Variants in PLCE1 observed in about 807,000 individuals in gnomAD.
PLCE1 encodes the protein 1-phosphatidylinositol 4,5-bisphosphate phosphodiesterase epsilon-1.
Under a neutral mutation model 242.8 loss-of-function variants are expected in PLCE1, and 119 were observed. The ratio of observed to expected loss-of-function variants is 0.49; its 90% CI spans 0.42 to 0.57. PLCE1 has a LOEUF of 0.57. Ranked by LOEUF, PLCE1 falls within the 20% of genes least tolerant of loss-of-function variation. The pLI, the probability that PLCE1 is intolerant of heterozygous loss-of-function variation, is 0.00. For synonymous variants in PLCE1, 945 were observed against 1,017.4 expected (o/e 0.93, Z 1.35); for missense variants, 2,441 against 2,788.8 (o/e 0.88, Z 2.81).
chr10:94,048,806 C>T (rs1371059015), intron 2 of PLCE1, among the ~76,000 whole-genome samples: 4 of 151,014 alleles, frequency 2.6e-5, no homozygotes, highest in African/African-American at 9.7e-5. Flanking sequence ...CTTACTCTGT[C>T]ACCCATGCTA....
chr10:94,033,275 A>G (rs749033168), intron 2 of PLCE1, among the ~76,000 whole-genome samples: 9 of 151,986 alleles, frequency 5.9e-5, no homozygotes, highest in Non-Finnish European at 1.3e-4. Flanking sequence ...ACTTATGCAT[A>G]TATTGGATTA....
rs78520542 is a variant in PLCE1, at chr10:94,209,414, A to T, written c.1810-17892A>T. On this transcript the variant is annotated intron_variant, in intron 4 of 32. Coordinates refer to ENST00000371380, the MANE Select transcript of PLCE1 (RefSeq NM_016341.4). ...GAAATAAATCTTTTAGTCCATTTTA[A>T]AGGCAAATAGTTTTCAGATATTCTT... 3.6e-3 allele frequency among the ~76,000 whole-genome samples: 543 copies of T among 152,324 alleles called. 6 individuals are homozygous for T. The highest frequency in any genetic ancestry group is 0.012 in the African/African-American group (519 of 41,564).
intron 19 of PLCE1, among the ~76,000 whole-genome samples, chr10:94,275,564 T>C (rs944955185): frequency 6.6e-6 from 1 of 152,162 alleles, no homozygotes; most frequent in Admixed American, 6.5e-5. Flanking sequence ...GGCCAGCCGC[T>C]GTGGCTCACG....
At chr10:94,007,793 G>A (rs562573907) in intron 1 of PLCE1, among the ~76,000 whole-genome samples, 70 of 142,386 alleles carry the variant, frequency 4.9e-4, no homozygotes, top group Admixed American at 1.4e-3. Flanking sequence ...ACATGCACAT[G>A]CACATAAAGA....
chr10:94,171,962 A>G (rs1474085617), intron 4 of PLCE1, among the ~76,000 whole-genome samples: 2 of 152,188 alleles, frequency 1.3e-5, no homozygotes, highest in East Asian at 3.8e-4. Context: ...GAAGGCAGGA[A>G]ACGTGGGGCA....
At chr10:94,012,711 C>T (rs75160762) in intron 1 of PLCE1, among the ~76,000 whole-genome samples, 1 of 152,174 alleles carries the variant, frequency 6.6e-6, no homozygotes, top group Non-Finnish European at 1.5e-5. Context: ...TGGTCCCCTT[C>T]CCTCCCCTGC....
At position 94,304,628 on chromosome 10, in the gene PLCE1, G is replaced by T. The variant is rs184591536; in HGVS notation, c.5605G>T (p.Ala1869Ser). ...AAGAGATCTGGACAGCATGGATCCT[G>T]CAGTCTATTCTTTAACTGTAAGTAC... ...LERDLDSMDP[A>S]VYSLTIVSGQ... The change falls in exon 25 of 33, where the codon GCA (alanine) becomes TCA (serine). Residue 1869 changes from alanine (A) to serine (S), a missense_variant. By Grantham distance (99) the Ala-to-Ser change is moderately conservative (BLOSUM62 1). Transcript: ENST00000371380. 1 of 1,614,002 alleles carries T rather than the reference G, an allele frequency of 6.2e-7. No homozygotes were observed. The highest frequency in any genetic ancestry group is 8.5e-7 in the Non-Finnish European group (1 of 1,179,948).
chr10:94,050,716 CA>C (rs1589920038), intron 2 of PLCE1, among the ~76,000 whole-genome samples: 1 of 151,280 alleles, frequency 6.6e-6, no homozygotes, highest in Admixed American at 6.6e-5. Context: ...TAAAAGAAAA[CA>C]AAAAAATAAT....
At chr10:94,035,210 A>G (rs561212300) in intron 2 of PLCE1, among the ~76,000 whole-genome samples, 3 of 152,356 alleles carry the variant, frequency 2.0e-5, no homozygotes, top group South Asian at 4.1e-4. Context: ...TAAGAGCACA[A>G]TCGAAATTTA....
Position 94,138,680 on chromosome 10 carries a change from A to T in PLCE1, c.1492+6221A>T, listed in dbSNP as rs368213047. The T allele has an allele frequency of 4.5e-5, 14 of 310,766 alleles. No individual in the cohort carries two copies. In the East Asian group the frequency reaches 7.1e-4, roughly 16 times the overall value. The allele number at this position is 310,766 out of a possible 1,614,324, so 19.3% of individuals were successfully genotyped here. On this transcript the variant is annotated intron_variant, in intron 3 of 32. Coordinates refer to ENST00000371380, the MANE Select transcript of PLCE1 (RefSeq NM_016341.4). ...GAGGTGTTACATCATTCGCAATGTC[A>T]CCTGCTGCTGGACATAGGAAACAGC...
At chr10:94,167,500 G>A (rs1443231234) in intron 3 of PLCE1, among the ~76,000 whole-genome samples, 1 of 142,930 alleles carries the variant, frequency 7.0e-6, no homozygotes, top group Non-Finnish European at 1.6e-5. Context: ...CTGGCACATA[G>A]TAGGCACTCT....
At chr10:94,201,964 A>G (rs2049000413) in intron 4 of PLCE1, among the ~76,000 whole-genome samples, 1 of 152,228 alleles carries the variant, frequency 6.6e-6, no homozygotes, top group Non-Finnish European at 1.5e-5. Context: ...ATAAAAATCT[A>G]GCAGATAATC....
chr10:94,019,027 A>G (rs1183432441), intron 1 of PLCE1, among the ~76,000 whole-genome samples: 1 of 152,214 alleles, frequency 6.6e-6, no homozygotes. Flanking sequence ...AGGTTTTTAT[A>G]ATGATAAGAA....
intron 13 of PLCE1, among the ~76,000 whole-genome samples, chr10:94,261,799 C>A (rs1302089556): frequency 2.0e-5 from 3 of 152,112 alleles, no homozygotes; most frequent in African/African-American, 4.8e-5. Flanking sequence ...ACATAAAAAT[C>A]TGTAAACAAA....
chr10:94,172,953 T>C (rs971859006), intron 4 of PLCE1, among the ~76,000 whole-genome samples: 1 of 152,212 alleles, frequency 6.6e-6, no homozygotes, highest in Non-Finnish European at 1.5e-5. Context: ...ACAACGAGTG[T>C]TAGAGGCTGA....
intron 4 of PLCE1, among the ~76,000 whole-genome samples, chr10:94,194,692 A>T (rs1312006357): frequency 6.6e-6 from 1 of 152,206 alleles, no homozygotes; most frequent in African/African-American, 2.4e-5. Context: ...CAGTCTCTTC[A>T]TCTGTAAAGT....
chr10:94,316,732 G>A lies in PLCE1; in HGVS notation c.6318G>A (p.Arg2106=), dbSNP rs761442464. ...TTCCAGAAGAGGGATACATGGGCAG[G>A]ATTGTCTTAAAAACCCAGCAGGAAG... is the stretch of plus-strand genomic sequence containing the variant. The part of the protein sequence containing the change: ...SWFPEEGYMG[R]IVLKTQQENL... The change falls in exon 29 of 33, where the codon AGG becomes AGA. Residue 2106 remains arginine (R), a synonymous_variant. Transcript: ENST00000371380. 1 of 1,613,878 alleles carries A rather than the reference G, an allele frequency of 6.2e-7. No individual in the cohort carries two copies. Among genetic ancestry groups the A allele is most frequent in the East Asian group, 2.2e-5 (1 of 44,870 alleles).
chr10:94,053,774 C>A (rs1050946969), intron 2 of PLCE1, among the ~76,000 whole-genome samples: 1 of 152,302 alleles, frequency 6.6e-6, no homozygotes, highest in Middle Eastern at 3.4e-3. Flanking sequence ...TGCCAAGATG[C>A]TAGTCACAAT....
chr10:94,223,414 T>C (rs1251929406), intron 4 of PLCE1, among the ~76,000 whole-genome samples: 1 of 151,900 alleles, frequency 6.6e-6, no homozygotes, highest in Non-Finnish European at 1.5e-5. Flanking sequence ...AAGTAAAGAT[T>C]TGGCTTTGCA....
Sources: gnomAD v4.1 joint callset for allele counts (sites outside exome capture counted in the v4.1 genomes callset) on GRCh38, gnomAD v4.1.1 for gene constraint, MANE v1.5 for transcripts, NCBI Gene and HGNC (gene_info 2026-07-23, HGNC 2026-07-21) for gene names.